Variants in XKR4 observed in about 807,000 individuals in gnomAD.
The protein encoded by XKR4 is XK related 4, also known as XK-related protein 4.
A neutral mutation model predicts 53.9 loss-of-function variants in XKR4; 12 were observed. The observed-to-expected ratio is 0.22, with a 90% confidence interval of 0.14 to 0.36. XKR4 has a LOEUF of 0.36. Among genes scored for constraint, XKR4 ranks in the 10% least tolerant of loss-of-function variants. XKR4 has a pLI of 1.00. For missense variants in XKR4, 799 were observed against 859.5 expected (o/e 0.93, Z 0.88); for synonymous variants, 354 against 362.4 (o/e 0.98, Z 0.26).
intron 2 of XKR4, among the ~76,000 whole-genome samples, chr8:55,406,228 G>A (rs1804679877): frequency 1.3e-5 from 2 of 152,152 alleles, no homozygotes; most frequent in African/African-American, 4.8e-5. Context: ...TGATCTATAT[G>A]GTGCAGTTAT....
At chr8:55,452,829 T>G (rs1369686724) in intron 2 of XKR4, 2 of 769,114 alleles carry the variant, frequency 2.6e-6, no homozygotes, top group Non-Finnish European at 4.7e-6. Flanking sequence ...GCTCTCCAGG[T>G]CACCCAGCTC....
chr8:55,264,743 G>A (rs1185861098), intron 1 of XKR4, among the ~76,000 whole-genome samples: 1 of 152,154 alleles, frequency 6.6e-6, no homozygotes, highest in Non-Finnish European at 1.5e-5. Context: ...CCTGAATTGA[G>A]AATTGCAATG....
intron 2 of XKR4, among the ~76,000 whole-genome samples, chr8:55,465,109 C>G (rs954666604): frequency 6.6e-6 from 1 of 152,140 alleles, no homozygotes; most frequent in Non-Finnish European, 1.5e-5. Context: ...CTACCAATGA[C>G]TTTCTTCACA....
intron 2 of XKR4, among the ~76,000 whole-genome samples, chr8:55,519,700 A>AT (rs1323165783): frequency 6.6e-6 from 1 of 152,170 alleles, no homozygotes; most frequent in Non-Finnish European, 1.5e-5. Context: ...CTGATAGTGG[A>AT]TTTTTTTAAA....
chr8:55,359,449 T>C (rs908998809), intron 2 of XKR4, among the ~76,000 whole-genome samples: 40 of 152,350 alleles, frequency 2.6e-4, no homozygotes, highest in African/African-American at 9.4e-4. Flanking sequence ...GTATATGTTT[T>C]AGGAAATGAT....
Position 55,494,531 on chromosome 8 carries a change from AGAG to A in XKR4, c.1007-28746_1007-28744del, listed in dbSNP as rs761205470. The stretch of plus-strand genomic sequence containing the variant: ...GAGAAGTGGAGGGCGAGCAAGACGA[AGAG>A]GAGTTTTATTAAGTGATAGAACAGC... On this transcript the variant is annotated intron_variant, in intron 2 of 2. Coordinates refer to ENST00000327381, the MANE Select transcript of XKR4 (RefSeq NM_052898.2). Among the ~76,000 whole-genome samples, 5 of 152,290 alleles carry A rather than the reference AGAG, an allele frequency of 3.3e-5. No individual in the cohort carries two copies. The East Asian group carries it at 9.7e-4, about 29-fold the overall frequency.
At chr8:55,176,869 G>A (rs1397195601) in intron 1 of XKR4, among the ~76,000 whole-genome samples, 2 of 152,016 alleles carry the variant, frequency 1.3e-5, no homozygotes, top group Non-Finnish European at 2.9e-5. Flanking sequence ...CTTACTCCGT[G>A]GCTCATTCGC....
intron 1 of XKR4, among the ~76,000 whole-genome samples, chr8:55,166,773 G>A (rs2129357940): frequency 6.6e-6 from 1 of 152,292 alleles, no homozygotes; most frequent in South Asian, 2.1e-4. Context: ...GAAGGTCAAT[G>A]TGTCTGGAGT....
intron 1 of XKR4, among the ~76,000 whole-genome samples, chr8:55,339,561 T>C (rs541237743): frequency 1.2e-4 from 18 of 152,304 alleles, no homozygotes; most frequent in African/African-American, 4.1e-4. Flanking sequence ...TCACCATTCA[T>C]AGCCAAGTGG....
chr8:55,387,659 G>T (rs962458156), intron 2 of XKR4, among the ~76,000 whole-genome samples: 4 of 152,286 alleles, frequency 2.6e-5, no homozygotes, highest in African/African-American at 9.6e-5. Flanking sequence ...TGGGGCTAGG[G>T]AGACCAGGGC....
chr8:55,477,080 T>G (rs1008774488), intron 2 of XKR4, among the ~76,000 whole-genome samples: 1 of 144,776 alleles, frequency 6.9e-6, no homozygotes. Context: ...GATCTGAGAA[T>G]GGGCAGACTT....
chr8:55,520,496 G>T (rs968160810), intron 2 of XKR4, among the ~76,000 whole-genome samples: 3 of 152,202 alleles, frequency 2.0e-5, no homozygotes, highest in African/African-American at 7.2e-5. Flanking sequence ...TGGGGCATGA[G>T]GATGGGTTGA....
At chr8:55,237,113 A>G (rs1157846197) in intron 1 of XKR4, among the ~76,000 whole-genome samples, 1 of 152,202 alleles carries the variant, frequency 6.6e-6, no homozygotes, top group Non-Finnish European at 1.5e-5. Flanking sequence ...TCCTCCTCTG[A>G]GTCCACATAA....
At chr8:55,135,373 T>C (rs1379834771) in intron 1 of XKR4, 3 of 268,352 alleles carry the variant, frequency 1.1e-5, no homozygotes, top group Non-Finnish European at 2.3e-5. Flanking sequence ...TCCTTCTATT[T>C]AGAGCAGATC....
intron 1 of XKR4, among the ~76,000 whole-genome samples, chr8:55,253,580 C>G (rs1165572984): frequency 6.6e-6 from 1 of 152,028 alleles, no homozygotes; most frequent in African/African-American, 2.4e-5. Flanking sequence ...AGATTCTTAC[C>G]TTAAGGATTT....
At chr8:55,352,354 G>A (rs1193454875) in intron 1 of XKR4, among the ~76,000 whole-genome samples, 2 of 152,228 alleles carry the variant, frequency 1.3e-5, no homozygotes, top group African/African-American at 4.8e-5. Context: ...TTCAATGAGT[G>A]TGGGAACATA....
At chr8:55,430,335 A>C (rs1003516070) in intron 2 of XKR4, among the ~76,000 whole-genome samples, 2 of 152,214 alleles carry the variant, frequency 1.3e-5, no homozygotes, top group African/African-American at 4.8e-5. Context: ...ATGTCCACAC[A>C]AAAACCTGTG....
chr8:55,509,949 T>C (rs947664483), intron 2 of XKR4, among the ~76,000 whole-genome samples: 2 of 152,184 alleles, frequency 1.3e-5, no homozygotes, highest in Non-Finnish European at 2.9e-5. Flanking sequence ...TAATACCTAG[T>C]ATTTGTAAAA....
chr8:55,470,193 C>G (rs142144482), intron 2 of XKR4, among the ~76,000 whole-genome samples: 1 of 152,032 alleles, frequency 6.6e-6, no homozygotes, highest in Non-Finnish European at 1.5e-5. Context: ...CAGAAGCATG[C>G]GTCAGATAAT....
Sources: gnomAD v4.1 joint callset for allele counts (sites outside exome capture counted in the v4.1 genomes callset) on GRCh38, gnomAD v4.1.1 for gene constraint, MANE v1.5 for transcripts, NCBI Gene and HGNC (gene_info 2026-07-23, HGNC 2026-07-21) for gene names.